Variants in MYO18B observed in about 807,000 individuals in gnomAD.
MYO18B encodes myosin XVIIIB.
Under a neutral mutation model 273.0 loss-of-function variants are expected in MYO18B, and 204 were observed. That is an observed-to-expected ratio of 0.75 (90% CI 0.67 to 0.84). The LOEUF (loss-of-function observed/expected upper bound fraction) is 0.84. Among genes scored for constraint, MYO18B ranks in the 40% least tolerant of loss-of-function variants. The pLI, the probability that MYO18B is intolerant of heterozygous loss-of-function variation, is 0.00. For synonymous variants in MYO18B, 1,330 were observed against 1,305.7 expected, an observed-to-expected ratio of 1.02 and a Z score of -0.40; for missense variants, 3,212 against 3,287.6, an observed-to-expected ratio of 0.98 and a Z score of 0.56.
chr22:25,929,285 A>G (rs1239122091), intron 34 of MYO18B, among the ~76,000 whole-genome samples: 2 of 151,968 alleles, frequency 1.3e-5, no homozygotes, highest in African/African-American at 4.8e-5. Flanking sequence ...ATTTTATAAG[A>G]CCTCTTGGAA....
At chr22:25,955,777 G>A (rs77825920) in intron 39 of MYO18B, among the ~76,000 whole-genome samples, 1 of 152,170 alleles carries the variant, frequency 6.6e-6, no homozygotes, top group African/African-American at 2.4e-5. Flanking sequence ...GCCCTGTGAA[G>A]TCAGAATTAT....
chr22:25,940,592 C>A (rs1353585406), intron 34 of MYO18B, among the ~76,000 whole-genome samples: 4 of 152,172 alleles, frequency 2.6e-5, no homozygotes, highest in Admixed American at 2.0e-4. Flanking sequence ...ACCTTTGGGT[C>A]TGCTCCTAAC....
chr22:25,997,978 C>CGA (rs5844669), intron 40 of MYO18B, among the ~76,000 whole-genome samples: 9,078 of 144,584 alleles, frequency 0.063, 458 homozygotes, highest in African/African-American at 0.14. Flanking sequence ...CACACACACA[C>CGA]GAGAGAGAGA....
intron 42 of MYO18B, among the ~76,000 whole-genome samples, chr22:26,013,439 T>G (rs1935068960): frequency 6.6e-6 from 1 of 152,232 alleles, no homozygotes; most frequent in Non-Finnish European, 1.5e-5. Context: ...ATTTATTCTA[T>G]TATTAATAGA....
At chr22:26,024,875 A>T (rs1008079514) in intron 42 of MYO18B, among the ~76,000 whole-genome samples, 3 of 152,156 alleles carry the variant, frequency 2.0e-5, no homozygotes, top group Non-Finnish European at 4.4e-5. Flanking sequence ...AAACAACAGA[A>T]ATGTATTTCT....
chr22:25,756,829 G>A (rs752620654), intron 1 of MYO18B, among the ~76,000 whole-genome samples: 1 of 152,230 alleles, frequency 6.6e-6, no homozygotes, highest in Non-Finnish European at 1.5e-5. Flanking sequence ...GGGAGGCCGA[G>A]GCAGGTGGAT....
intron 25 of MYO18B, among the ~76,000 whole-genome samples, chr22:25,884,009 G>C (rs1277661959): frequency 6.6e-6 from 1 of 152,140 alleles, no homozygotes; most frequent in Non-Finnish European, 1.5e-5. Flanking sequence ...ATGAGGTGGG[G>C]TGTTTTTCCA....
In MYO18B at chr22:25,809,956, A is replaced by T. The variant is rs1040789747; in HGVS notation, c.2521+11859A>T. On this transcript the variant is annotated intron_variant, in intron 12 of 43. Coordinates refer to ENST00000335473, the MANE Select transcript of MYO18B (RefSeq NM_032608.7). ...CATATGAGGAATACGTCAATGTTGT[A>T]TGTCTATAAAAAATGGAAATAGTCC... Among the ~76,000 whole-genome samples, 9 of 151,546 alleles carry T rather than the reference A, an allele frequency of 5.9e-5. No individual in the cohort carries two copies. In the East Asian group the frequency reaches 1.2e-3, roughly 20 times the overall value.
intron 35 of MYO18B, among the ~76,000 whole-genome samples, chr22:25,947,454 C>G (rs2092725214): frequency 6.7e-6 from 1 of 149,052 alleles, no homozygotes; most frequent in South Asian, 2.1e-4. Context: ...TACACACATA[C>G]ACCCTGAATT....
chr22:25,769,559 G>C, intron 4 of MYO18B, 131 bp downstream of exon 4: 2 of 839,676 alleles, frequency 2.4e-6, no homozygotes, highest in Non-Finnish European at 3.6e-6. Context: ...GAGAGGGGTG[G>C]CTGGAACTGC....
intron 27 of MYO18B, among the ~76,000 whole-genome samples, chr22:25,893,937 A>G (rs1457482476): frequency 6.6e-6 from 1 of 152,022 alleles, no homozygotes; most frequent in Non-Finnish European, 1.5e-5. Context: ...ACATCCATCC[A>G]TCCATCCATC....
At chr22:25,804,473 C>T (rs911516684) in intron 12 of MYO18B, among the ~76,000 whole-genome samples, 7 of 152,298 alleles carry the variant, frequency 4.6e-5, no homozygotes, top group Admixed American at 1.3e-4. Flanking sequence ...GTGTGACGTG[C>T]GCAAGGGCAC....
At chr22:25,866,784 CAAAA>C (rs56260207) in intron 21 of MYO18B, among the ~76,000 whole-genome samples, 3,015 of 39,296 alleles carry the variant, frequency 0.077, 14 homozygotes, top group Middle Eastern at 0.18. Flanking sequence ...GACTCCGTCT[CAAAA>C]AAAAAAAAAA....
intron 39 of MYO18B, among the ~76,000 whole-genome samples, chr22:25,985,691 G>C (rs9613062): frequency 2.6e-5 from 4 of 151,086 alleles, no homozygotes; most frequent in African/African-American, 9.7e-5. Context: ...GTGCAGTGGC[G>C]CAATCTCGGC....
At chr22:25,894,195 C>A (rs751530022) in intron 27 of MYO18B, among the ~76,000 whole-genome samples, 3 of 152,186 alleles carry the variant, frequency 2.0e-5, no homozygotes, top group Non-Finnish European at 4.4e-5. Context: ...TCATACTAGG[C>A]TTCAGCTGTC....
intron 39 of MYO18B, among the ~76,000 whole-genome samples, chr22:25,985,892 A>G (rs2093197259): frequency 6.6e-6 from 1 of 152,128 alleles, no homozygotes; most frequent in Non-Finnish European, 1.5e-5. Flanking sequence ...TCGGCCTCCT[A>G]AAGTGCTGGG....
intron 7 of MYO18B, among the ~76,000 whole-genome samples, chr22:25,774,359 G>A (rs1000123350): frequency 6.6e-6 from 1 of 152,176 alleles, no homozygotes; most frequent in African/African-American, 2.4e-5. Flanking sequence ...TTCTGTTGCT[G>A]CAGCCCAAGG....
At chr22:26,042,383 A>G in the MYO18B span, among the ~76,000 whole-genome samples, 1 of 152,216 alleles carries the variant, frequency 6.6e-6, no homozygotes, top group African/African-American at 2.4e-5. Flanking sequence ...TTCTTCCTCT[A>G]GACCCATCCC....
chr22:25,925,300 G>GA (rs1266146256), intron 34 of MYO18B, among the ~76,000 whole-genome samples: 1 of 149,828 alleles, frequency 6.7e-6, no homozygotes, highest in African/African-American at 2.5e-5. Flanking sequence ...ACAACCACAT[G>GA]AAGGGGTTCT....
Sources: gnomAD v4.1 joint callset for allele counts (sites outside exome capture counted in the v4.1 genomes callset) on GRCh38, gnomAD v4.1.1 for gene constraint, MANE v1.5 for transcripts, NCBI Gene and HGNC (gene_info 2026-07-23, HGNC 2026-07-21) for gene names.